The following HTRA3 variants were observed in gnomAD, a reference collection of about 807,000 sequenced individuals.
HTRA3 encodes the protein serine protease HTRA3.
Under a neutral mutation model 43.2 loss-of-function variants are expected in HTRA3, and 41 were observed. The ratio of observed to expected loss-of-function variants is 0.95; its 90% CI spans 0.74 to 1.23. The LOEUF is 1.23. HTRA3 is among the 50% of genes most tolerant of loss of function. The pLI is 0.00. For missense variants in HTRA3, 628 were observed against 647.1 expected, an observed-to-expected ratio of 0.97 and a Z score of 0.32; for synonymous variants, 295 against 287.9, an observed-to-expected ratio of 1.02 and a Z score of -0.25.
Position 8,295,911 on chromosome 4 carries a change from A to G in HTRA3, c.1051+1710A>G. Reference sequence around the variant, plus strand: ...CAGGCAGAGCCTGTCTTTCCCAAAGAAGCTGAAGTCTTCTTCTCTTGAACA... The same window carrying G: ...CAGGCAGAGCCTGTCTTTCCCAAAGGAGCTGAAGTCTTCTTCTCTTGAACA... On this transcript the variant is annotated intron_variant, in intron 6 of 8. Transcript: ENST00000307358. The surrounding 1 kb of genome is among the most constrained non-coding windows in gnomAD (Gnocchi z 6.9). 1.6e-6 allele frequency: 2 copies of G among 1,232,196 alleles called. No individual in the cohort carries two copies. Among genetic ancestry groups the G allele is most frequent in the Non-Finnish European group, 2.0e-6 (2 of 987,312 alleles). 76.3% of individuals were successfully genotyped at this position (1,232,196 alleles called of 1,614,324 possible).
intron 3 of HTRA3, among the ~76,000 whole-genome samples, chr4:8,288,958 C>CTT (rs1307693515): frequency 7.7e-6 from 1 of 130,446 alleles, no homozygotes; most frequent in Non-Finnish European, 1.6e-5. Flanking sequence ...CTCTCTCTCT[C>CTT]TTTTTTTTTT....
intron 6 of HTRA3, among the ~76,000 whole-genome samples, chr4:8,302,075 G>A (rs1713673281): frequency 6.6e-6 from 1 of 152,172 alleles, no homozygotes. Context: ...ACCAGTGGGA[G>A]GTGATGAGTT....
At chr4:8,302,885 T>G (rs1950076673) in intron 7 of HTRA3, among the ~76,000 whole-genome samples, 2 of 152,232 alleles carry the variant, frequency 1.3e-5, no homozygotes, top group Non-Finnish European at 2.9e-5. Context: ...TCCTTGCCCC[T>G]TCCAGCTTCT....
At position 8,295,290 on chromosome 4, in the gene HTRA3, G is replaced by A. The variant is rs901694257; in HGVS notation, c.1051+1089G>A. ...TGGTAGAATATCCTCTATGCCAGGG[G>A]AGCAGAGTCCAATACCTCGTCTTTG... is the stretch of plus-strand genomic sequence containing the variant. On this transcript the variant is annotated intron_variant, in intron 6 of 8. Transcript: ENST00000307358. This position sits in a 1 kb window ranked among gnomAD's most constrained non-coding sequence, Gnocchi z 6.9. Among the ~76,000 whole-genome samples the A allele has an allele frequency of 6.6e-5, 10 of 152,236 alleles. No individual in the cohort carries two copies. The highest frequency in any genetic ancestry group is 3.9e-4 in the Admixed American group (6 of 15,286).
chr4:8,280,581 G>A (rs1712704303), intron 1 of HTRA3, among the ~76,000 whole-genome samples: 1 of 152,282 alleles, frequency 6.6e-6, no homozygotes, highest in East Asian at 1.9e-4. Context: ...TGTAGGTGTC[G>A]AGCAGGGCAG....
Position 8,295,078 on chromosome 4 carries a change from CCTTT to C in HTRA3, c.1051+882_1051+885del, listed in dbSNP as rs1713409192. Reference sequence around the variant, plus strand: ...CCATTTCTTCCTTCCTTTATTTTTTCCTTTCTTTTTTTCCTTCTCTCCTTCCTTC... The same window carrying C: ...CCATTTCTTCCTTCCTTTATTTTTTCCTTTTTTTCCTTCTCTCCTTCCTTC... On this transcript the variant is annotated intron_variant, in intron 6 of 8. Coordinates refer to ENST00000307358, the MANE Select transcript of HTRA3 (RefSeq NM_053044.5). This position sits in a 1 kb window ranked among gnomAD's most constrained non-coding sequence, Gnocchi z 6.9. 1.3e-5 allele frequency among the ~76,000 whole-genome samples: 2 copies of C among 151,522 alleles called. No individual in the cohort carries two copies. The highest frequency in any genetic ancestry group is 2.1e-4 in the South Asian group (1 of 4,772).
At chr4:8,303,142 C>T (rs759193162) in intron 7 of HTRA3, among the ~76,000 whole-genome samples, 4 of 152,206 alleles carry the variant, frequency 2.6e-5, no homozygotes, top group Non-Finnish European at 4.4e-5. Flanking sequence ...TGGGTGTACA[C>T]GAATTTGGGG....
intron 3 of HTRA3, among the ~76,000 whole-genome samples, chr4:8,287,518 GA>G (rs1171276361): frequency 2.0e-5 from 3 of 152,044 alleles, no homozygotes; most frequent in Non-Finnish European, 4.4e-5. Flanking sequence ...AGGCAAAGGG[GA>G]AGCAGGGACA....
At chr4:8,287,945 C>T (rs1022605065) in intron 3 of HTRA3, among the ~76,000 whole-genome samples, 4 of 152,236 alleles carry the variant, frequency 2.6e-5, no homozygotes, top group East Asian at 1.9e-4. Flanking sequence ...GCTCCCCATG[C>T]CATGAGGTCA....
In HTRA3 at chr4:8,286,577, C is replaced by A. The variant is rs143233241; in HGVS notation, c.502C>A (p.Arg168Ser). The A allele has an allele frequency of 1.2e-6, 2 of 1,613,874 alleles. No individual in the cohort carries two copies. The highest frequency in any genetic ancestry group is 1.3e-5 in the African/African-American group (1 of 75,000). Residue 168 changes from arginine (R) to serine (S), a missense_variant, in exon 3 of 9, where the codon CGC becomes AGC. Transcript: ENST00000307358. The surrounding 1 kb of genome is among the most constrained non-coding windows in gnomAD (Gnocchi z 4.9). ...TGGCTGCAGACACCCGCTGTTTGGC[C>A]GCAACGTGCCCCTGTCCAGCGGTTC... ...ELFLRHPLFG[R>S]NVPLSSGSGF...
intron 4 of HTRA3, 82 bp from the exon 5 acceptor site, chr4:8,292,239 G>T: frequency 8.1e-7 from 1 of 1,242,200 alleles, no homozygotes; most frequent in Non-Finnish European, 1.2e-6. Flanking sequence ...CTCTGCACTG[G>T]TTAGAGGCAG....
intron 3 of HTRA3, among the ~76,000 whole-genome samples, chr4:8,289,049 A>G (rs1347048971): frequency 2.0e-5 from 3 of 150,624 alleles, no homozygotes; most frequent in Non-Finnish European, 4.4e-5. Flanking sequence ...TCCTGGGCTT[A>G]AGGGATCTTC....
At chr4:8,275,573 G>C (rs1177501356) in intron 1 of HTRA3, among the ~76,000 whole-genome samples, 1 of 152,202 alleles carries the variant, frequency 6.6e-6, no homozygotes, top group East Asian at 1.9e-4. Flanking sequence ...CTGGAGATGG[G>C]GGCGTCTAGT....
At chr4:8,291,617 C>G in intron 4 of HTRA3, 53 bp downstream of exon 4, 1 of 1,384,254 alleles carries the variant, frequency 7.2e-7, no homozygotes, top group Non-Finnish European at 9.8e-7. Flanking sequence ...CCCAAGACCT[C>G]AACCTCGAGG....
At chr4:8,276,889 G>A (rs1251847914) in intron 1 of HTRA3, among the ~76,000 whole-genome samples, 1 of 152,372 alleles carries the variant, frequency 6.6e-6, no homozygotes, top group South Asian at 2.1e-4. Flanking sequence ...GCCTCTCTAA[G>A]CCTTGTTTCC....
intron 1 of HTRA3, among the ~76,000 whole-genome samples, chr4:8,278,604 C>T (rs5018092): frequency 0.31 from 46,388 of 151,980 alleles, 7,445 homozygotes; most frequent in South Asian, 0.53. Flanking sequence ...GATTCATCTG[C>T]GTGTTGGGAG....
At chr4:8,285,063 T>A (rs1180108804) in intron 2 of HTRA3, among the ~76,000 whole-genome samples, 1 of 152,140 alleles carries the variant, frequency 6.6e-6, no homozygotes, top group Non-Finnish European at 1.5e-5. Context: ...CAGTCCTTGG[T>A]ACGCCTCGGC....
intron 5 of HTRA3, among the ~76,000 whole-genome samples, chr4:8,293,778 G>A (rs1392525588): frequency 6.6e-6 from 1 of 152,160 alleles, no homozygotes; most frequent in Non-Finnish European, 1.5e-5. Context: ...ACATGGCTTG[G>A]CGGTGTCCTT....
chr4:8,303,808 C>G (rs952454135), intron 7 of HTRA3, among the ~76,000 whole-genome samples: 4 of 144,656 alleles, frequency 2.8e-5, no homozygotes, highest in African/African-American at 9.9e-5. Context: ...CTGTACGTTC[C>G]GTGACTCAGC....
Sources: gnomAD v4.1 joint callset for allele counts (sites outside exome capture counted in the v4.1 genomes callset) on GRCh38, gnomAD v4.1.1 for gene constraint, Gnocchi (gnomAD v3.1) non-coding constraint, MANE v1.5 for transcripts, NCBI Gene and HGNC (gene_info 2026-07-23, HGNC 2026-07-21) for gene names.